The following HSF2BP variants were observed in gnomAD, a reference collection of about 807,000 sequenced individuals.
The protein encoded by HSF2BP is heat shock factor 2-binding protein.
A neutral mutation model predicts 35.0 loss-of-function variants in HSF2BP; 35 were observed. The ratio of observed to expected loss-of-function variants is 1.00; its 90% CI spans 0.76 to 1.32. HSF2BP has a LOEUF of 1.32. Among genes scored for constraint, HSF2BP ranks in the 40% most tolerant of loss-of-function variants. The probability of loss-of-function intolerance (pLI) is 0.00; values close to 1 mark genes in which losing one functional copy is unlikely to be tolerated. For missense variants in HSF2BP, 326 were observed against 321.7 expected (o/e 1.01, Z -0.10); for synonymous variants, 114 against 117.4 (o/e 0.97, Z 0.18).
At chr21:43,650,578 C>T (rs1320156165) in intron 3 of HSF2BP, among the ~76,000 whole-genome samples, 1 of 151,904 alleles carries the variant, frequency 6.6e-6, no homozygotes. Flanking sequence ...GATTTATTCA[C>T]CACTGTTGGA....
chr21:43,656,744 G>C lies in HSF2BP; in HGVS notation c.37-7C>G. 1 of 1,605,378 alleles carries C rather than the reference G, an allele frequency of 6.2e-7. No individual in the cohort carries two copies. ...CCTCTTTAGTTCCCATGTGCTAAAA[G>C]AACAAGCAGATCTTATTATATTTCT... is the stretch of plus-strand genomic sequence containing the variant. On this transcript the variant is annotated splice_polypyrimidine_tract_variant and splice_region_variant and intron_variant, in intron 2 of 8. Coordinates refer to ENST00000291560, the MANE Select transcript of HSF2BP (RefSeq NM_007031.2).
chr21:43,622,938 A>G (rs764694055), intron 6 of HSF2BP, among the ~76,000 whole-genome samples: 1 of 151,728 alleles, frequency 6.6e-6, no homozygotes, highest in Non-Finnish European at 1.5e-5. Flanking sequence ...ACAAGTCTCA[A>G]CAAATTCAAA....
At chr21:43,628,765 G>A (rs2082419189) in intron 6 of HSF2BP, among the ~76,000 whole-genome samples, 1 of 152,182 alleles carries the variant, frequency 6.6e-6, no homozygotes, top group Non-Finnish European at 1.5e-5. Flanking sequence ...CAAAAGACAG[G>A]CTGACTCTCT....
At chr21:43,596,016 G>A (rs909294731) in intron 7 of HSF2BP, among the ~76,000 whole-genome samples, 4 of 151,798 alleles carry the variant, frequency 2.6e-5, no homozygotes, top group African/African-American at 4.8e-5. Flanking sequence ...CACCACGCCC[G>A]GCAAGGCTAA....
At chr21:43,581,995 TGG>T (rs2081747664) in intron 8 of HSF2BP, among the ~76,000 whole-genome samples, 1 of 54,558 alleles carries the variant, frequency 1.8e-5, no homozygotes, top group Non-Finnish European at 3.5e-5. Flanking sequence ...GGGCCTGCTG[TGG>T]GAGATGAGTG....
chr21:43,606,759 C>G (rs989030704), intron 7 of HSF2BP, among the ~76,000 whole-genome samples: 1 of 152,070 alleles, frequency 6.6e-6, no homozygotes, highest in African/African-American at 2.4e-5. Flanking sequence ...AAGGGAAATG[C>G]CTGGATGGTC....
At chr21:43,655,524 G>A (rs941983573) in intron 3 of HSF2BP, among the ~76,000 whole-genome samples, 2 of 152,216 alleles carry the variant, frequency 1.3e-5, no homozygotes, top group East Asian at 3.8e-4. Context: ...CTAGGACTAC[G>A]GAAGAGGCCT....
chr21:43,617,741 G>T (rs2082287531), intron 6 of HSF2BP, among the ~76,000 whole-genome samples: 1 of 151,844 alleles, frequency 6.6e-6, no homozygotes, highest in African/African-American at 2.4e-5. Context: ...ATCACCTGAG[G>T]TCAAGAGTTT....
intron 4 of HSF2BP, among the ~76,000 whole-genome samples, chr21:43,641,279 G>A (rs186109090): frequency 2.8e-4 from 42 of 152,218 alleles, no homozygotes; most frequent in African/African-American, 8.9e-4. Flanking sequence ...GATTACAGGC[G>A]TGAGCCACCG....
intron 6 of HSF2BP, among the ~76,000 whole-genome samples, chr21:43,618,607 A>C (rs547433384): frequency 6.6e-6 from 1 of 152,302 alleles, no homozygotes; most frequent in East Asian, 1.9e-4. Flanking sequence ...ACCATATACA[A>C]ATATTAACTC....
intron 7 of HSF2BP, among the ~76,000 whole-genome samples, chr21:43,602,043 C>A (rs2082058744): frequency 1.3e-5 from 2 of 152,144 alleles, no homozygotes; most frequent in African/African-American, 4.8e-5. Flanking sequence ...CTTTTAATAA[C>A]AAACAAGGGA....
At chr21:43,655,541 A>T (rs901529794) in intron 3 of HSF2BP, among the ~76,000 whole-genome samples, 1 of 152,240 alleles carries the variant, frequency 6.6e-6, no homozygotes, top group Non-Finnish European at 1.5e-5. Flanking sequence ...GCCTCTAGAC[A>T]GGAGTCTCTG....
At chr21:43,615,977 T>C (rs2082264547) in intron 6 of HSF2BP, among the ~76,000 whole-genome samples, 2 of 151,592 alleles carry the variant, frequency 1.3e-5, no homozygotes, top group Admixed American at 1.3e-4. Context: ...GTTAAGACTT[T>C]ATATTTTGAG....
At chr21:43,618,972 T>A (rs1276507003) in intron 6 of HSF2BP, among the ~76,000 whole-genome samples, 1 of 151,188 alleles carries the variant, frequency 6.6e-6, no homozygotes, top group Admixed American at 6.6e-5. Context: ...AAAGAAAAAA[T>A]TAAAGCTATA....
intron 8 of HSF2BP, among the ~76,000 whole-genome samples, chr21:43,572,507 G>A (rs1478884048): frequency 6.6e-6 from 1 of 152,168 alleles, no homozygotes; most frequent in African/African-American, 2.4e-5. Flanking sequence ...ATGTGAAGTT[G>A]CCCACATTTC....
Position 43,659,029 on chromosome 21 carries a change from G to C in HSF2BP, c.-225+357C>G, listed in dbSNP as rs748886408. On this transcript the variant is annotated intron_variant, in intron 1 of 8. Coordinates refer to ENST00000291560, the MANE Select transcript of HSF2BP (RefSeq NM_007031.2). The surrounding 1 kb of genome is among the most constrained non-coding windows in gnomAD (Gnocchi z 4.2). ...ATCCTGGACCGTGGCCAGGCGCGGCGGCTCAAGCCTGTAATCCCAGCGATC... is the reference window on the plus strand; with the variant it reads ...ATCCTGGACCGTGGCCAGGCGCGGCCGCTCAAGCCTGTAATCCCAGCGATC... Among the ~76,000 whole-genome samples, 4 of 152,162 alleles carry C rather than the reference G, an allele frequency of 2.6e-5. No individual in the cohort carries two copies. The highest frequency in any genetic ancestry group is 2.1e-4 in the South Asian group (1 of 4,832).
chr21:43,623,560 A>G (rs2082355417), intron 6 of HSF2BP, among the ~76,000 whole-genome samples: 1 of 152,134 alleles, frequency 6.6e-6, no homozygotes, highest in East Asian at 1.9e-4. Context: ...CATGCCCAGA[A>G]GAGATCTTGT....
At chr21:43,578,610 A>G (rs2081677353) in intron 8 of HSF2BP, among the ~76,000 whole-genome samples, 1 of 152,202 alleles carries the variant, frequency 6.6e-6, no homozygotes, top group African/African-American at 2.4e-5. Context: ...TACCACCCTC[A>G]TCGCTCTCTC....
intron 8 of HSF2BP, among the ~76,000 whole-genome samples, chr21:43,590,144 C>T (rs1452589390): frequency 6.6e-6 from 1 of 152,084 alleles, no homozygotes; most frequent in South Asian, 2.1e-4. Flanking sequence ...GGACACAAAC[C>T]GAATACATAA....
Sources: gnomAD v4.1 joint callset for allele counts (sites outside exome capture counted in the v4.1 genomes callset) on GRCh38, gnomAD v4.1.1 for gene constraint, Gnocchi (gnomAD v3.1) non-coding constraint, MANE v1.5 for transcripts, NCBI Gene and HGNC (gene_info 2026-07-23, HGNC 2026-07-21) for gene names.